GPC5: variants seen among roughly 807,000 people sequenced by gnomAD.
GPC5 encodes the protein glypican-5.
Under a neutral mutation model 53.9 loss-of-function variants are expected in GPC5, and 47 were observed. The ratio of observed to expected loss-of-function variants is 0.87; its 90% CI spans 0.69 to 1.11. The LOEUF is 1.11. Ranked by LOEUF, GPC5 falls within the 50% of genes most tolerant of loss-of-function variation. The probability of loss-of-function intolerance (pLI) is 0.00; values close to 1 mark genes in which losing one functional copy is unlikely to be tolerated. For missense variants in GPC5, 748 were observed against 713.1 expected (o/e 1.05, Z -0.56); for synonymous variants, 286 against 263.3 (o/e 1.09, Z -0.84).
At chr13:91,414,658 C>G (rs1173020634) in intron 1 of GPC5, among the ~76,000 whole-genome samples, 1 of 152,186 alleles carries the variant, frequency 6.6e-6, no homozygotes, top group African/African-American at 2.4e-5. Flanking sequence ...ACAAATCTCT[C>G]TGTTTGGCTT....
chr13:92,021,922 CA>C (rs1480014857), intron 6 of GPC5, among the ~76,000 whole-genome samples: 1 of 152,162 alleles, frequency 6.6e-6, no homozygotes, highest in Admixed American at 6.5e-5. Context: ...CACTTTTAAG[CA>C]CACGCAATTT....
intron 6 of GPC5, among the ~76,000 whole-genome samples, chr13:92,067,503 G>C (rs1466682444): frequency 6.6e-6 from 1 of 151,962 alleles, no homozygotes; most frequent in African/African-American, 2.4e-5. Flanking sequence ...ATGCAAACAG[G>C]TGTCAATCAT....
At chr13:92,387,718 G>A (rs1874803875) in intron 7 of GPC5, among the ~76,000 whole-genome samples, 1 of 152,078 alleles carries the variant, frequency 6.6e-6, no homozygotes. Context: ...AGATTTTATG[G>A]GTGTGAATTC....
At chr13:91,699,452 T>C (rs1225959918) in intron 3 of GPC5, among the ~76,000 whole-genome samples, 2 of 152,220 alleles carry the variant, frequency 1.3e-5, no homozygotes, top group South Asian at 2.1e-4. Flanking sequence ...CTAAATGCAA[T>C]ACATTCTACA....
chr13:92,264,665 G>GTT (rs200611472), intron 7 of GPC5, among the ~76,000 whole-genome samples: 4 of 148,164 alleles, frequency 2.7e-5, no homozygotes, highest in Admixed American at 6.8e-5. Context: ...TTCTTGTCTA[G>GTT]TTTTTTTTTT....
chr13:92,578,517 C>A (rs1453178443), intron 7 of GPC5, among the ~76,000 whole-genome samples: 2 of 152,054 alleles, frequency 1.3e-5, no homozygotes, highest in Non-Finnish European at 2.9e-5. Flanking sequence ...GGCAGGAGAA[C>A]CAGGGAAGTC....
chr13:91,450,743 TA>T (rs1407229291), intron 2 of GPC5, among the ~76,000 whole-genome samples: 4 of 152,056 alleles, frequency 2.6e-5, no homozygotes, highest in Non-Finnish European at 4.4e-5. Context: ...AAATTAATTA[TA>T]AAAAATATAG....
chr13:92,657,056 T>G (rs1347041035), intron 7 of GPC5, among the ~76,000 whole-genome samples: 1 of 152,318 alleles, frequency 6.6e-6, no homozygotes, highest in South Asian at 2.1e-4. Flanking sequence ...TTTTAGGTAA[T>G]TGTAAAAGAC....
At chr13:92,844,280 A>G (rs1017181212) in intron 7 of GPC5, among the ~76,000 whole-genome samples, 1 of 152,080 alleles carries the variant, frequency 6.6e-6, no homozygotes, top group Non-Finnish European at 1.5e-5. Context: ...AGGGAAATGA[A>G]TTCAGTGATA....
intron 7 of GPC5, among the ~76,000 whole-genome samples, chr13:92,169,172 C>A (rs781496622): frequency 9.2e-5 from 14 of 151,980 alleles, no homozygotes; most frequent in Non-Finnish European, 1.8e-4. Context: ...TACACTGGAG[C>A]CTGTCAGGGG....
chr13:92,798,183 C>T (rs143815595), intron 7 of GPC5, among the ~76,000 whole-genome samples: 82 of 151,836 alleles, frequency 5.4e-4, no homozygotes, highest in African/African-American at 1.8e-3. Flanking sequence ...ATCATGAGGC[C>T]GAAGCATACT....
intron 7 of GPC5, among the ~76,000 whole-genome samples, chr13:92,350,437 C>A (rs1465259163): frequency 6.6e-6 from 1 of 152,064 alleles, no homozygotes; most frequent in Non-Finnish European, 1.5e-5. Context: ...ACAAGGTAGG[C>A]ACAGAAAGGC....
chr13:91,978,568 C>T (rs1348738758), intron 6 of GPC5, among the ~76,000 whole-genome samples: 1 of 152,174 alleles, frequency 6.6e-6, no homozygotes, highest in Non-Finnish European at 1.5e-5. Context: ...GAAGGCCTCT[C>T]TAGCTGACAT....
intron 2 of GPC5, among the ~76,000 whole-genome samples, chr13:91,542,787 G>A (rs1168141685): frequency 6.7e-6 from 1 of 150,374 alleles, no homozygotes; most frequent in East Asian, 1.9e-4. Flanking sequence ...AGGTTCCATC[G>A]ATTCTCCTGC....
At chr13:92,206,241 C>T (rs1486367451) in intron 7 of GPC5, among the ~76,000 whole-genome samples, 1 of 147,510 alleles carries the variant, frequency 6.8e-6, no homozygotes, top group Non-Finnish European at 1.5e-5. Flanking sequence ...TCTCGGCTCA[C>T]TGCAAGCTCC....
chr13:92,631,764 G>A (rs941049597), intron 7 of GPC5, among the ~76,000 whole-genome samples: 3 of 152,100 alleles, frequency 2.0e-5, no homozygotes, highest in African/African-American at 7.2e-5. Context: ...TCAATATGAT[G>A]CCACAAGTGC....
rs7984567 is a variant in GPC5, at chr13:91,508,321, C to A, written c.325+59399C>A. Among the ~76,000 whole-genome samples the A allele has an allele frequency of 8.9e-3, 1,352 of 152,174 alleles. 20 individuals carry two copies. Among genetic ancestry groups the A allele is most frequent in the African/African-American group, 0.031 (1,292 of 41,510 alleles). Reference sequence around the variant, plus strand: ...CAAAGGTAGATATTATTTCCCAGGCCCTTCAATTGTGAAAACATGTCTGGT... The same window carrying A: ...CAAAGGTAGATATTATTTCCCAGGCACTTCAATTGTGAAAACATGTCTGGT... On this transcript the variant is annotated intron_variant, in intron 2 of 7. Transcript: ENST00000377067.
chr13:91,952,177 C>G (rs9589377), intron 6 of GPC5, among the ~76,000 whole-genome samples: 62,821 of 137,270 alleles, frequency 0.46, 15,313 homozygotes, highest in East Asian at 0.74. Flanking sequence ...CTCTCTTTCT[C>G]TCTCTCTCTC....
intron 5 of GPC5, among the ~76,000 whole-genome samples, chr13:91,810,938 CAAAA>C (rs35192534): frequency 3.8e-5 from 4 of 105,766 alleles, no homozygotes; most frequent in Admixed American, 1.0e-4. Context: ...TTTGTGTAAC[CAAAA>C]AAAAAAAAAA....
Sources: allele counts gnomAD v4.1 joint callset (sites outside exome capture counted in the v4.1 genomes callset), GRCh38; gene constraint gnomAD v4.1.1; transcripts MANE v1.5; gene names NCBI Gene and HGNC (gene_info 2026-07-23, HGNC 2026-07-21).